The following NCK2 variants were observed in gnomAD, a reference collection of about 807,000 sequenced individuals.
The protein encoded by NCK2 is cytoplasmic protein NCK2.
NCK2 carries 16 observed loss-of-function variants against 33.9 expected under a neutral mutation model. The ratio of observed to expected loss-of-function variants is 0.47; its 90% CI spans 0.32 to 0.72. The LOEUF is 0.72. Ranked by LOEUF, NCK2 falls within the 30% of genes least tolerant of loss-of-function variation. NCK2 has a pLI of 0.03. For missense variants in NCK2, 418 were observed against 537.3 expected, an observed-to-expected ratio of 0.78 and a Z score of 2.19; for synonymous variants, 273 against 239.9, an observed-to-expected ratio of 1.14 and a Z score of -1.27.
rs148480895 is a variant in NCK2 at position 105,820,692 on chromosome 2, GTAAT to G, written c.-17+4081_-17+4084del. ...TCCCGTGTGTACTTGAAAAGTGACTGTAATTGATTGTTGGAGGCTGGCCATTACT... is the reference window on the plus strand; with the variant it reads ...TCCCGTGTGTACTTGAAAAGTGACTGTGATTGTTGGAGGCTGGCCATTACT... On this transcript the variant is annotated intron_variant, in intron 2 of 4. Coordinates refer to ENST00000233154, the MANE Select transcript of NCK2 (RefSeq NM_003581.5). Among the ~76,000 whole-genome samples, 408 of 152,312 alleles carry G rather than the reference GTAAT, an allele frequency of 2.7e-3. No individual in the cohort carries two copies. In the East Asian group the frequency reaches 0.035, roughly 13 times the overall value.
chr2:105,882,525 A>G (rs1038922831), intron 4 of NCK2, among the ~76,000 whole-genome samples: 1 of 152,298 alleles, frequency 6.6e-6, no homozygotes, highest in South Asian at 2.1e-4. Context: ...GGTCATTGCC[A>G]CGGCAGGCAG....
At chr2:105,888,022 A>T (rs972170503) in intron 4 of NCK2, among the ~76,000 whole-genome samples, 1 of 152,204 alleles carries the variant, frequency 6.6e-6, no homozygotes, top group Non-Finnish European at 1.5e-5. Flanking sequence ...AACACCAGAT[A>T]CTCTGAGCCC....
intron 1 of NCK2, among the ~76,000 whole-genome samples, chr2:105,794,299 G>A (rs886828401): frequency 5.9e-5 from 9 of 151,996 alleles, no homozygotes; most frequent in African/African-American, 1.9e-4. Context: ...TGATCCGCCC[G>A]CCTCAGCCTC....
chr2:105,835,050 GTA>G (rs1214799775), intron 2 of NCK2, among the ~76,000 whole-genome samples: 1 of 152,000 alleles, frequency 6.6e-6, no homozygotes, highest in Non-Finnish European at 1.5e-5. Context: ...TGGTTGCTTT[GTA>G]TATCCTTTGT....
At chr2:105,874,179 T>G (rs532896364) in intron 3 of NCK2, among the ~76,000 whole-genome samples, 2 of 152,240 alleles carry the variant, frequency 1.3e-5, no homozygotes, top group African/African-American at 2.4e-5. Flanking sequence ...TATTGAAATA[T>G]TATGATGATA....
chr2:105,890,939 G>A (rs575976209), intron 4 of NCK2, among the ~76,000 whole-genome samples: 21 of 152,342 alleles, frequency 1.4e-4, no homozygotes, highest in African/African-American at 4.6e-4. Flanking sequence ...GACCCTCAGA[G>A]CAGGAAGTTT....
rs61091716 is a variant in NCK2 at position 105,800,636 on chromosome 2, C to T, written c.-200-15794C>T. ...AGGCCTAAGAACAAGAAACATTCATCCTGTTTTTGGTCTGTTTGAGATAAA... is the reference window on the plus strand; with the variant it reads ...AGGCCTAAGAACAAGAAACATTCATTCTGTTTTTGGTCTGTTTGAGATAAA... On this transcript the variant is annotated intron_variant, in intron 1 of 4. Coordinates refer to ENST00000233154, the MANE Select transcript of NCK2 (RefSeq NM_003581.5). 6.1e-3 allele frequency among the ~76,000 whole-genome samples: 929 copies of T among 152,226 alleles called. 6 individuals are homozygous for T. Among genetic ancestry groups the T allele is most frequent in the African/African-American group, 0.018 (743 of 41,532 alleles).
At chr2:105,844,574 CA>C (rs748327037) in intron 2 of NCK2, among the ~76,000 whole-genome samples, 29,774 of 133,758 alleles carry the variant, frequency 0.22, 3,534 homozygotes, top group East Asian at 0.33. Flanking sequence ...TAGAAAAAAA[CA>C]AAAAAAAAAA....
chr2:105,761,219 G>A (rs1573560885), intron 1 of NCK2, among the ~76,000 whole-genome samples: 2 of 152,310 alleles, frequency 1.3e-5, no homozygotes, highest in East Asian at 3.9e-4. Context: ...GTATGGGAGC[G>A]GTGGTATGGA....
intron 1 of NCK2, among the ~76,000 whole-genome samples, chr2:105,787,192 C>T (rs942948006): frequency 1.3e-5 from 2 of 152,252 alleles, no homozygotes; most frequent in Admixed American, 1.3e-4. Flanking sequence ...GTTGTCCTCA[C>T]ACTGAAGGAA....
At chr2:105,768,782 A>C (rs1690030670) in intron 1 of NCK2, among the ~76,000 whole-genome samples, 1 of 152,152 alleles carries the variant, frequency 6.6e-6, no homozygotes, top group Non-Finnish European at 1.5e-5. Context: ...AAGATTGGAC[A>C]CCCCTGTTTT....
intron 1 of NCK2, among the ~76,000 whole-genome samples, chr2:105,811,162 C>A (rs1322786346): frequency 4.9e-4 from 69 of 140,168 alleles, no homozygotes; most frequent in African/African-American, 8.5e-4. Flanking sequence ...TGACAGAGTG[C>A]AAAAAAAAAA....
At chr2:105,860,421 C>T (rs1677473933) in intron 3 of NCK2, among the ~76,000 whole-genome samples, 1 of 152,202 alleles carries the variant, frequency 6.6e-6, no homozygotes, top group South Asian at 2.1e-4. Flanking sequence ...TGGACAGAGC[C>T]CCTGCTCTGG....
At chr2:105,828,294 A>G (rs1446202535) in intron 2 of NCK2, among the ~76,000 whole-genome samples, 6 of 152,204 alleles carry the variant, frequency 3.9e-5, no homozygotes, top group Middle Eastern at 3.2e-3. Flanking sequence ...TTTGCTATCA[A>G]CGAATTTCCC....
intron 3 of NCK2, among the ~76,000 whole-genome samples, chr2:105,872,994 G>A (rs1462110089): frequency 6.6e-6 from 1 of 152,146 alleles, no homozygotes; most frequent in Non-Finnish European, 1.5e-5. Context: ...CCCTGGTTGG[G>A]GCCAGACCAG....
At chr2:105,788,308 G>A (rs190132655) in intron 1 of NCK2, among the ~76,000 whole-genome samples, 104 of 152,238 alleles carry the variant, frequency 6.8e-4, no homozygotes, top group Middle Eastern at 3.4e-3. Flanking sequence ...TGGAGTTAAA[G>A]CCATTGCTTA....
intron 2 of NCK2, among the ~76,000 whole-genome samples, chr2:105,827,637 A>G (rs1223536615): frequency 6.6e-6 from 1 of 152,264 alleles, no homozygotes; most frequent in Non-Finnish European, 1.5e-5. Flanking sequence ...ATTTCAAAGC[A>G]TTGAAATCAT....
intron 1 of NCK2, among the ~76,000 whole-genome samples, chr2:105,792,564 A>G (rs1690925898): frequency 1.3e-5 from 2 of 151,788 alleles, no homozygotes; most frequent in South Asian, 4.1e-4. Flanking sequence ...AGGTCCACAC[A>G]TGCAGCTGAA....
chr2:105,822,501 T>C (rs2104500658), intron 2 of NCK2, among the ~76,000 whole-genome samples: 1 of 152,166 alleles, frequency 6.6e-6, no homozygotes, highest in Non-Finnish European at 1.5e-5. Context: ...GCGCCCCTGT[T>C]CAGGGCGAAA....
Sources: allele counts gnomAD v4.1 joint callset (sites outside exome capture counted in the v4.1 genomes callset), GRCh38; gene constraint gnomAD v4.1.1; transcripts MANE v1.5; gene names NCBI Gene and HGNC (gene_info 2026-07-23, HGNC 2026-07-21).